The following PRAG1 variants were observed in gnomAD, a reference collection of about 807,000 sequenced individuals.
The protein encoded by PRAG1 is PEAK1 related, kinase-activating pseudokinase 1.
PRAG1 carries 110 observed loss-of-function variants against 95.6 expected under a neutral mutation model. The ratio of observed to expected loss-of-function variants is 1.15; its 90% CI spans 0.99 to 1.35. The LOEUF is 1.35. Ranked by LOEUF, PRAG1 falls within the 40% of genes most tolerant of loss-of-function variation. The pLI is 0.00. For missense variants in PRAG1, 2,554 were observed against 1,864.7 expected, an observed-to-expected ratio of 1.37 and a Z score of -6.81; for synonymous variants, 1,052 against 819.4, an observed-to-expected ratio of 1.28 and a Z score of -4.85.
Position 8,377,311 on chromosome 8 carries a change from G to A in PRAG1, c.1098C>T (p.Cys366=), listed in dbSNP as rs1374707859. 5 of 1,612,356 alleles carry A rather than the reference G, an allele frequency of 3.1e-6. No homozygotes were observed. In the South Asian group the frequency reaches 4.4e-5, roughly 14 times the overall value. Residue 366 remains cysteine (C), a synonymous_variant, in exon 3 of 6, where the codon TGC becomes TGT. Coordinates refer to ENST00000615670, the MANE Select transcript of PRAG1 (RefSeq NM_001080826.3). ...CTGGGGCAGGTTCCTTCATGAGGGA[G>A]CAGTAATCACTCTCGAGGTGGGGGA... ...PFVPHLESDY[C]SLMKEPAPEK... is the part of the protein sequence containing the mutation.
chr8:8,338,805 GC>G (rs1799073687), intron 4 of PRAG1, among the ~76,000 whole-genome samples: 1 of 152,190 alleles, frequency 6.6e-6, no homozygotes, highest in Non-Finnish European at 1.5e-5. Context: ...AATCCAACAT[GC>G]TAACGCAAGT....
At chr8:8,369,598 C>G (rs1016123891) in intron 3 of PRAG1, among the ~76,000 whole-genome samples, 4 of 152,128 alleles carry the variant, frequency 2.6e-5, no homozygotes, top group African/African-American at 4.8e-5. Context: ...TCTTGAACAT[C>G]TACTACATGT....
At position 8,377,272 on chromosome 8, in the gene PRAG1, G is replaced by A. The variant is rs765488254; in HGVS notation, c.1137C>T (p.Asp379=). The change falls in exon 3 of 6, where the codon GAC becomes GAT. Residue 379 remains aspartate, a synonymous_variant. Transcript: ENST00000615670. Reference sequence around the variant, plus strand: ...TAGGGGTCACCCCTGGGCAGCCAGGGTCCTGCTGCTTCTCTGGGGCAGGTT... The same window carrying A: ...TAGGGGTCACCCCTGGGCAGCCAGGATCCTGCTGCTTCTCTGGGGCAGGTT... ...MKEPAPEKQQ[D]PGCPGVTPSR... is the part of the protein sequence containing the mutation. The A allele has an allele frequency of 2.3e-5, 37 of 1,612,788 alleles. No individual in the cohort carries two copies. The African/African-American group carries it at 4.5e-4, about 20-fold the overall frequency.
Position 8,318,536 on chromosome 8 carries a change from C to G in PRAG1, c.3839G>C (p.Arg1280Thr), listed in dbSNP as rs1798355365. 6.2e-7 allele frequency: 1 copy of G among 1,613,420 alleles called. No homozygotes were observed. Residue 1280 changes from arginine to threonine, a missense_variant, in exon 6 of 6, where the codon AGA becomes ACA. Physicochemically the swap from Arg to Thr is moderately conservative, Grantham distance 71. Transcript: ENST00000615670. The surrounding 1 kb of genome is among the most constrained non-coding windows in gnomAD (Gnocchi z 4.2). Reference protein sequence around the residue: ...PFEVRAQLRERDYRQEDLPPL... With the variant: ...PFEVRAQLRETDYRQEDLPPL... ...CGGCAGGTCCTCCTGCCGGTAGTCT[C>G]TCTCCCGCAGCTGGGCGCGCACCTC...
At chr8:8,362,358 C>T (rs1298823856) in intron 3 of PRAG1, among the ~76,000 whole-genome samples, 1 of 152,210 alleles carries the variant, frequency 6.6e-6, no homozygotes, top group African/African-American at 2.4e-5. Flanking sequence ...TCTGGACCAC[C>T]AAGGAAGTAC....
intron 4 of PRAG1, among the ~76,000 whole-genome samples, chr8:8,332,707 G>T (rs1798862584): frequency 7.4e-6 from 1 of 135,206 alleles, no homozygotes; most frequent in African/African-American, 2.7e-5. Context: ...GGGATACTTT[G>T]AAATAGATGC....
rs182018644 is a variant in PRAG1 at position 8,377,266 on chromosome 8, G to A, written c.1143C>T (p.Gly381=). Residue 381 remains glycine, a synonymous_variant, in exon 3 of 6, where the codon GGC becomes GGT. Coordinates refer to ENST00000615670, the MANE Select transcript of PRAG1 (RefSeq NM_001080826.3). ...ATCTGCTAGGGGTCACCCCTGGGCA[G>A]CCAGGGTCCTGCTGCTTCTCTGGGG... The part of the protein sequence containing the change: ...EPAPEKQQDP[G]CPGVTPSRCL... 246 of 1,612,868 alleles carry A rather than the reference G, an allele frequency of 1.5e-4. No individual in the cohort carries two copies. Among genetic ancestry groups the A allele is most frequent in the Non-Finnish European group, 2.0e-4 (234 of 1,179,962 alleles).
chr8:8,356,857 G>C (rs936181609), intron 3 of PRAG1, among the ~76,000 whole-genome samples: 5 of 152,132 alleles, frequency 3.3e-5, no homozygotes, highest in African/African-American at 1.2e-4. Context: ...TAATAGACTA[G>C]AACGTCCAGA....
At position 8,377,520 on chromosome 8, in the gene PRAG1, GC is replaced by G; in HGVS notation, c.888del (p.Ala298GlnfsTer72). 14 of 1,576,028 alleles carry G rather than the reference GC, an allele frequency of 8.9e-6. No individual in the cohort carries two copies. The highest frequency in any genetic ancestry group is 1.0e-5 in the Non-Finnish European group (12 of 1,160,070). ...GGGCCCCGCTTCTCCTGCTCTGCGG[GC>G]CCGGAACACTTCCCCTGCTCCCAGC... ...PTCWEQGKCSGPAEQEKRGPS... is the reference protein window; with the variant it reads ...PTCWEQGKCSXPAEQEKRGPS... On this transcript the variant is annotated frameshift_variant, in exon 3 of 6. Transcript: ENST00000615670. LOFTEE classifies it high-confidence loss of function.
In PRAG1 at chr8:8,318,111, T is replaced by C; in HGVS notation, c.*43A>G. 6.4e-7 allele frequency: 1 copy of C among 1,563,664 alleles called. No individual in the cohort carries two copies. The highest frequency in any genetic ancestry group is 8.7e-7 in the Non-Finnish European group (1 of 1,154,990). Reference sequence around the variant, plus strand: ...GCTTCCAAGGCGAGACAGGAAAGGGTTAGGCAGGGAAGGGGCAGCGACGGT... The same window carrying C: ...GCTTCCAAGGCGAGACAGGAAAGGGCTAGGCAGGGAAGGGGCAGCGACGGT... On this transcript the variant is annotated 3_prime_UTR_variant, in exon 6 of 6. Coordinates refer to ENST00000615670, the MANE Select transcript of PRAG1 (RefSeq NM_001080826.3). This position sits in a 1 kb window ranked among gnomAD's most constrained non-coding sequence, Gnocchi z 4.2.
At chr8:8,378,488 G>C (rs1800512921) in intron 2 of PRAG1, among the ~76,000 whole-genome samples, 1 of 152,180 alleles carries the variant, frequency 6.6e-6, no homozygotes, top group African/African-American at 2.4e-5. Flanking sequence ...TTTTTGCTTT[G>C]AGTTTGTGGG....
In PRAG1 at chr8:8,318,299, C is replaced by T. The variant is rs1798343142; in HGVS notation, c.4076G>A (p.Arg1359Gln). The change falls in exon 6 of 6, where the codon CGG (arginine) becomes CAG (glutamine). Residue 1359 changes from arginine to glutamine, a missense_variant. Transcript: ENST00000615670. This position sits in a 1 kb window ranked among gnomAD's most constrained non-coding sequence, Gnocchi z 4.2. ...CGCAAACTTCATCATCATCAGGGCC[C>T]GCTTCATGTCGATCCAGTTGTGCAG... ...GTLHNWIDMK[R>Q]ALMMMKFAEK... 3.1e-6 allele frequency: 5 copies of T among 1,614,188 alleles called. No homozygotes were observed. The highest frequency in any genetic ancestry group is 3.4e-6 in the Non-Finnish European group (4 of 1,180,004).
intron 3 of PRAG1, among the ~76,000 whole-genome samples, chr8:8,366,555 C>A (rs1312330990): frequency 6.6e-6 from 1 of 151,162 alleles, no homozygotes; most frequent in African/African-American, 2.4e-5. Context: ...CTCAGATGAT[C>A]CTCCTGCCTC....
chr8:8,318,357 G>A lies in PRAG1; in HGVS notation c.4018C>T (p.Pro1340Ser). The change falls in exon 6 of 6, where the codon CCG becomes TCG. Residue 1340 changes from proline to serine, a missense_variant. Physicochemically the swap from Pro to Ser is moderately conservative, Grantham distance 74 (BLOSUM62 -1). Coordinates refer to ENST00000615670, the MANE Select transcript of PRAG1 (RefSeq NM_001080826.3). The surrounding 1 kb of genome is among the most constrained non-coding windows in gnomAD (Gnocchi z 4.2). The stretch of plus-strand genomic sequence containing the variant: ...CACAGCGCCTCCTCCGAGGTGCCCG[G>A]CTGCTGCACCAGCTCGCGCCGAGGC... The part of the protein sequence containing the change: ...WGPRRELVQQ[P>S]GTSEEALCGT... 1 of 1,613,870 alleles carries A rather than the reference G, an allele frequency of 6.2e-7. No homozygotes were observed. Among genetic ancestry groups the A allele is most frequent in the Admixed American group, 1.7e-5 (1 of 60,008 alleles).
At chr8:8,386,230 G>T (rs924510475) in intron 1 of PRAG1, 91 bp downstream of exon 1, 1 of 152,286 alleles carries the variant, frequency 6.6e-6, no homozygotes, top group South Asian at 2.1e-4. Context: ...TAGCCCGCTC[G>T]GCGATCGCAG....
intron 4 of PRAG1, among the ~76,000 whole-genome samples, chr8:8,332,437 T>G (rs1417932870): frequency 1.3e-5 from 2 of 152,198 alleles, no homozygotes; most frequent in Non-Finnish European, 2.9e-5. Flanking sequence ...GTGCTGGGAT[T>G]CCAGGTGTGA....
intron 2 of PRAG1, among the ~76,000 whole-genome samples, chr8:8,380,610 C>G (rs1441593993): frequency 6.6e-6 from 1 of 151,984 alleles, no homozygotes; most frequent in Non-Finnish European, 1.5e-5. Flanking sequence ...AATCTCAGCA[C>G]TTTGGAAGGC....
At chr8:8,364,965 T>A (rs1313888273) in intron 3 of PRAG1, among the ~76,000 whole-genome samples, 2 of 152,174 alleles carry the variant, frequency 1.3e-5, no homozygotes, top group African/African-American at 4.8e-5. Flanking sequence ...ACAATTTCCT[T>A]GTTTCACGTC....
rs1435510926 is a variant in PRAG1 at position 8,318,943 on chromosome 8, C to A, written c.3432G>T (p.Arg1144=). 6.2e-7 allele frequency: 1 copy of A among 1,612,504 alleles called. No individual in the cohort carries two copies. Among genetic ancestry groups the A allele is most frequent in the Non-Finnish European group, 8.5e-7 (1 of 1,179,550 alleles). ...EHLKEHGIIH[R]DLCLENLLLV... is the part of the protein sequence containing the mutation. ...GCAGCAGGTTCTCCAGGCACAGGTC[C>A]CGGTGGATGATCCCGTGCTCCTTCA... The change falls in exon 6 of 6, where the codon CGG becomes CGT. Residue 1144 remains arginine (R), a synonymous_variant. Transcript: ENST00000615670. The surrounding 1 kb of genome is among the most constrained non-coding windows in gnomAD (Gnocchi z 4.2).
Sources: allele counts gnomAD v4.1 joint callset (sites outside exome capture counted in the v4.1 genomes callset), GRCh38; gene constraint gnomAD v4.1.1; non-coding constraint Gnocchi (gnomAD v3.1); transcripts MANE v1.5; gene names NCBI Gene and HGNC (gene_info 2026-07-23, HGNC 2026-07-21).